BCDIN3D: variants seen among roughly 807,000 people sequenced by gnomAD.
BCDIN3D encodes RNA 5'-monophosphate methyltransferase.
In BCDIN3D, 15 loss-of-function variants were observed where a neutral mutation model predicts 21.2. The observed-to-expected ratio is 0.71, with a 90% CI of 0.47 to 1.09. The LOEUF (loss-of-function observed/expected upper bound fraction) is 1.09. Ranked by LOEUF, BCDIN3D falls within the 50% of genes least tolerant of loss-of-function variation. BCDIN3D has a pLI of 0.00. For synonymous variants in BCDIN3D, 127 were observed against 141.9 expected, an observed-to-expected ratio of 0.90 and a Z score of 0.75; for missense variants, 331 against 366.2, an observed-to-expected ratio of 0.90 and a Z score of 0.79.
At position 49,838,978 on chromosome 12, in the gene BCDIN3D, A is replaced by C. The variant is rs763923130; in HGVS notation, c.272T>G (p.Leu91Arg). The change falls in exon 2 of 2, where the codon CTA (leucine) becomes CGA (arginine). Residue 91 changes from leucine to arginine, a missense_variant. Physicochemically the swap from Leu to Arg is moderately radical, Grantham distance 102. Coordinates refer to ENST00000333924, the MANE Select transcript of BCDIN3D (RefSeq NM_181708.3). ...ATCTGAGCAGGTTTCCCCGTCAGGT[A>C]GGGAGAGGAAGTGTTTGTATAGAGC... ...SVALYKHFLS[L>R]PDGETCSDAS... The C allele has an allele frequency of 1.2e-6, 2 of 1,614,040 alleles. No homozygotes were observed. Among genetic ancestry groups the C allele is most frequent in the East Asian group, 4.5e-5 (2 of 44,882 alleles).
Position 49,838,239 on chromosome 12 carries a change from G to T in BCDIN3D, c.*132C>A. 2.3e-6 allele frequency: 2 copies of T among 852,012 alleles called. No individual in the cohort carries two copies. Among genetic ancestry groups the T allele is most frequent in the Non-Finnish European group, 3.6e-6 (2 of 549,034 alleles). 52.8% of individuals were successfully genotyped at this position (852,012 alleles called of 1,614,324 possible). ...CAGATACTGATTCTTTCAATTATGT[G>T]CCTTGGACATTTTACCAAAAGCTCC... On this transcript the variant is annotated 3_prime_UTR_variant, in exon 2 of 2. Transcript: ENST00000333924.
At position 49,838,687 on chromosome 12, in the gene BCDIN3D, G is replaced by A. The variant is rs746116960; in HGVS notation, c.563C>T (p.Ser188Phe). ...CTCCACAAGGAGGTAGTGGCAGAGG[G>A]AGGAAAGATGGGCCAGGAACTCCCA... ...GLWEFLAHLS[S>F]LCHYLLVEPQ... Residue 188 changes from serine to phenylalanine, a missense_variant, in exon 2 of 2, where the codon TCC (serine) becomes TTC (phenylalanine). Transcript: ENST00000333924. The A allele has an allele frequency of 6.2e-7, 1 of 1,613,898 alleles. No individual in the cohort carries two copies. Among genetic ancestry groups the A allele is most frequent in the Non-Finnish European group, 8.5e-7 (1 of 1,179,762 alleles).
chr12:49,839,268 GAA>G (rs1381579584), intron 1 of BCDIN3D: 1 of 459,810 alleles, frequency 2.2e-6, no homozygotes, highest in Non-Finnish European at 3.9e-6. Context: ...TTGTATAGCT[GAA>G]AGTTACAGCC....
chr12:49,842,696 G>A lies in BCDIN3D; in HGVS notation c.234+158C>T. 3 of 659,348 alleles carry A rather than the reference G, an allele frequency of 4.5e-6. 1 individual carries two copies. The highest frequency in any genetic ancestry group is 7.9e-6 in the Non-Finnish European group (3 of 380,436). The allele number at this position is 659,348 out of a possible 1,614,324, so 40.8% of individuals were successfully genotyped here. A position where few individuals can be genotyped will look rare whatever the true frequency, so the allele number is the denominator to read the frequency against. On this transcript the variant is annotated intron_variant, in intron 1 of 1. Coordinates refer to ENST00000333924, the MANE Select transcript of BCDIN3D (RefSeq NM_181708.3). The stretch of plus-strand genomic sequence containing the variant: ...TTCCTAAGACAGATGGTGGAACCCT[G>A]GCGGGCAGGCAGCAGCGGCACTGGC...
chr12:49,838,919 T>C lies in BCDIN3D; in HGVS notation c.331A>G (p.Ile111Val). The change falls in exon 2 of 2, where the codon ATA (isoleucine) becomes GTA (valine). Residue 111 changes from isoleucine to valine, a missense_variant. Coordinates refer to ENST00000333924, the MANE Select transcript of BCDIN3D (RefSeq NM_181708.3). ...SREFRLLCCD[I>V]DPVLVKRAEK... Reference sequence around the variant, plus strand: ...GCTCGCTTCACCAGGACTGGATCTATGTCGCAGCAGAGGAGACGGAATTCT... The same window carrying C: ...GCTCGCTTCACCAGGACTGGATCTACGTCGCAGCAGAGGAGACGGAATTCT... 1 of 1,614,220 alleles carries C rather than the reference T, an allele frequency of 6.2e-7. No individual in the cohort carries two copies. Among genetic ancestry groups the C allele is most frequent in the Non-Finnish European group, 8.5e-7 (1 of 1,180,050 alleles).
At chr12:49,839,751 A>G (rs927302832) in intron 1 of BCDIN3D, 2 of 151,928 alleles carry the variant, frequency 1.3e-5, no homozygotes, top group African/African-American at 4.8e-5. Context: ...CTGGAGTGCA[A>G]TGGCGTGATC....
At position 49,838,642 on chromosome 12, in the gene BCDIN3D, T is replaced by TAAC. The variant is rs1364417171; in HGVS notation, c.605_607dup (p.Cys202dup). ...TCGGAGACGCCTTGCAGCTGCCCGG[T>TAAC]AACACTTCCAGGGTTGGGGCTCCAC... On this transcript the variant is annotated inframe_insertion, in exon 2 of 2. Coordinates refer to ENST00000333924, the MANE Select transcript of BCDIN3D (RefSeq NM_181708.3). The TAAC allele has an allele frequency of 6.2e-7, 1 of 1,613,876 alleles. No individual in the cohort carries two copies. The highest frequency in any genetic ancestry group is 2.2e-5 in the East Asian group (1 of 44,870).
At chr12:49,839,554 T>C (rs1946538088) in intron 1 of BCDIN3D, 1 of 154,200 alleles carries the variant, frequency 6.5e-6, no homozygotes. Context: ...ATTCACCACC[T>C]CCTTCTGAGA....
intron 1 of BCDIN3D, among the ~76,000 whole-genome samples, chr12:49,841,799 C>T (rs1444693212): frequency 6.6e-6 from 1 of 152,204 alleles, no homozygotes; most frequent in African/African-American, 2.4e-5. Context: ...TTGTCCCCCG[C>T]CCTCCAGATG....
At chr12:49,841,770 G>C (rs574359380) in intron 1 of BCDIN3D, among the ~76,000 whole-genome samples, 1 of 152,266 alleles carries the variant, frequency 6.6e-6, no homozygotes, top group East Asian at 1.9e-4. Context: ...TTCTGTAAAA[G>C]GACAGCAACG....
intron 1 of BCDIN3D, 78 bp from the exon 2 acceptor site, chr12:49,839,093 TGA>T: frequency 7.0e-7 from 1 of 1,433,218 alleles, no homozygotes; most frequent in Non-Finnish European, 9.5e-7. Flanking sequence ...ATTCTCCCAC[TGA>T]GAATGCCACT....
intron 1 of BCDIN3D, among the ~76,000 whole-genome samples, chr12:49,841,334 T>A (rs1304537255): frequency 6.6e-6 from 1 of 151,822 alleles, no homozygotes; most frequent in African/African-American, 2.4e-5. Context: ...CCTTTGTAGT[T>A]TGAATTTTTT....
In BCDIN3D at chr12:49,836,947, T is replaced by C. The variant is rs1317987947; in HGVS notation, c.*1424A>G. On this transcript the variant is annotated 3_prime_UTR_variant, in exon 2 of 2. Coordinates refer to ENST00000333924, the MANE Select transcript of BCDIN3D (RefSeq NM_181708.3). ...GGATGGAAGGTAGATGACTTTAATA[T>C]AGGAACCTCCCACCAGGCACCGGAC... The C allele has an allele frequency of 1.3e-5, 2 of 152,198 alleles. No individual in the cohort carries two copies. Among genetic ancestry groups the C allele is most frequent in the Non-Finnish European group, 2.9e-5 (2 of 68,036 alleles). The allele number at this position is 152,198 out of a possible 1,614,324, so 9.4% of individuals were successfully genotyped here. A position where few individuals can be genotyped will look rare whatever the true frequency, so the allele number is the denominator to read the frequency against.
intron 1 of BCDIN3D, 123 bp downstream of exon 1, chr12:49,842,731 G>T (rs1440189966): frequency 4.5e-6 from 4 of 897,220 alleles, no homozygotes; most frequent in Non-Finnish European, 5.2e-6. Flanking sequence ...CTCAGTCAAA[G>T]CCACGCTTTA....
rs1386829731 is a variant in BCDIN3D at position 49,838,226 on chromosome 12, CT to C, written c.*144del. The C allele has an allele frequency of 6.5e-6, 5 of 769,534 alleles. No homozygotes were observed. The highest frequency in any genetic ancestry group is 1.0e-5 in the Non-Finnish European group (5 of 482,050). The allele number at this position is 769,534 out of a possible 1,614,324, so 47.7% of individuals were successfully genotyped here. Reference sequence around the variant, plus strand: ...AAACAATGGGGAACAGATACTGATTCTTTCAATTATGTGCCTTGGACATTTT... The same window carrying C: ...AAACAATGGGGAACAGATACTGATTCTTCAATTATGTGCCTTGGACATTTT... On this transcript the variant is annotated 3_prime_UTR_variant, in exon 2 of 2. Transcript: ENST00000333924.
intron 1 of BCDIN3D, 117 bp downstream of exon 1, chr12:49,842,737 C>A: frequency 1.1e-6 from 1 of 942,686 alleles, no homozygotes; most frequent in Non-Finnish European, 1.6e-6. Context: ...CAAAGCCACG[C>A]TTTATACTCG....
chr12:49,841,598 T>G (rs1331182482), intron 1 of BCDIN3D, among the ~76,000 whole-genome samples: 1 of 152,200 alleles, frequency 6.6e-6, no homozygotes, highest in African/African-American at 2.4e-5. Flanking sequence ...TTTTCCATTG[T>G]TTTTACCCTC....
chr12:49,838,710 C>T lies in BCDIN3D; in HGVS notation c.540G>A (p.Trp180Ter), dbSNP rs764567760. Residue 180 changes from tryptophan to a stop codon, truncating the protein, a stop_gained, in exon 2 of 2, where the codon TGG (tryptophan) becomes TGA (stop). Coordinates refer to ENST00000333924, the MANE Select transcript of BCDIN3D (RefSeq NM_181708.3). LOFTEE classifies it high-confidence loss of function. ...IHLNHGDHGL[W>*]EFLAHLSSLC... ...GGGAGGAAAGATGGGCCAGGAACTC[C>T]CATAGGCCATGGTCTCCATGATTCA... The T allele has an allele frequency of 3.7e-6, 6 of 1,613,980 alleles. No homozygotes were observed. Among genetic ancestry groups the T allele is most frequent in the Non-Finnish European group, 4.2e-6 (5 of 1,180,000 alleles).
At position 49,836,702 on chromosome 12, in the gene BCDIN3D, G is replaced by T. The variant is rs1190132495; in HGVS notation, c.*1669C>A. The T allele has an allele frequency of 1.3e-5, 2 of 152,210 alleles. No homozygotes were observed. The highest frequency in any genetic ancestry group is 2.9e-5 in the Non-Finnish European group (2 of 68,040). 9.4% of individuals were successfully genotyped at this position (152,210 alleles called of 1,614,324 possible). A position where few individuals can be genotyped will look rare whatever the true frequency, so the allele number is the denominator to read the frequency against. On this transcript the variant is annotated 3_prime_UTR_variant, in exon 2 of 2. Coordinates refer to ENST00000333924, the MANE Select transcript of BCDIN3D (RefSeq NM_181708.3). Reference sequence around the variant, plus strand: ...AGTTATCAGAGATAGTAAGATGCATGTTTTCTACAAGGTGAGATGTTTTTC... The same window carrying T: ...AGTTATCAGAGATAGTAAGATGCATTTTTTCTACAAGGTGAGATGTTTTTC...
Sources: gnomAD v4.1 joint callset for allele counts (sites outside exome capture counted in the v4.1 genomes callset) on GRCh38, gnomAD v4.1.1 for gene constraint, MANE v1.5 for transcripts, NCBI Gene and HGNC (gene_info 2026-07-23, HGNC 2026-07-21) for gene names.